Variants in NCKAP5 observed in about 807,000 individuals in gnomAD.
The protein encoded by NCKAP5 is NCK associated protein 5.
In NCKAP5, 92 loss-of-function variants were observed where a neutral mutation model predicts 167.0. That is an observed-to-expected ratio of 0.55 (90% CI 0.47 to 0.66). NCKAP5 has a LOEUF of 0.66. NCKAP5 is among the 30% of genes least tolerant of loss of function. The pLI, the probability that NCKAP5 is intolerant of heterozygous loss-of-function variation, is 0.00. For missense variants in NCKAP5, 2,378 were observed against 2,315.0 expected (o/e 1.03, Z -0.56); for synonymous variants, 891 against 877.4 (o/e 1.02, Z -0.27).
intron 11 of NCKAP5, among the ~76,000 whole-genome samples, chr2:132,836,889 T>TA (rs1687930936): frequency 1.3e-5 from 2 of 152,322 alleles, no homozygotes; most frequent in African/African-American, 4.8e-5. Context: ...TCAAATCCTG[T>TA]ATTAGGCCAA....
At chr2:132,703,129 T>C (rs927393230) in intron 19 of NCKAP5, among the ~76,000 whole-genome samples, 4 of 152,142 alleles carry the variant, frequency 2.6e-5, no homozygotes, top group African/African-American at 7.2e-5. Context: ...TACAGTGAGC[T>C]ATGATCATAC....
At chr2:133,649,535 C>T in the NCKAP5 span, among the ~76,000 whole-genome samples, 1 of 151,950 alleles carries the variant, frequency 6.6e-6, no homozygotes, top group Non-Finnish European at 1.5e-5. Context: ...GATCATAGGC[C>T]ATAACCAAGC....
chr2:133,530,193 A>AT (rs778533301), intron 2 of NCKAP5, among the ~76,000 whole-genome samples: 6 of 152,238 alleles, frequency 3.9e-5, no homozygotes, highest in Non-Finnish European at 5.9e-5. Context: ...CCTCCCACGG[A>AT]TTTGAAATGC....
intron 8 of NCKAP5, among the ~76,000 whole-genome samples, chr2:132,924,194 GA>G (rs1356758190): frequency 6.6e-6 from 1 of 152,032 alleles, no homozygotes; most frequent in East Asian, 1.9e-4. Flanking sequence ...TTCTGCGAGT[GA>G]AAAAAGCCAT....
Position 133,481,617 on chromosome 2 carries a change from T to C in NCKAP5, c.69+35841A>G, listed in dbSNP as rs534682389. Among the ~76,000 whole-genome samples the C allele has an allele frequency of 6.6e-4, 101 of 152,250 alleles. 1 individual carries two copies. Among genetic ancestry groups the C allele is most frequent in the African/African-American group, 2.2e-3 (92 of 41,550 alleles). On this transcript the variant is annotated intron_variant, in intron 3 of 19. Coordinates refer to ENST00000409261, the MANE Select transcript of NCKAP5 (RefSeq NM_207363.3). ...ACCCTCCGATAGGCCCCAGTGTGTG[T>C]TGTTCCCCTCTTTGCGTCCATGTGT...
chr2:133,307,596 T>C (rs1445309466), intron 3 of NCKAP5, among the ~76,000 whole-genome samples: 1 of 152,176 alleles, frequency 6.6e-6, no homozygotes, highest in African/African-American at 2.4e-5. Flanking sequence ...CCACCCCAAA[T>C]GCCCATTGAA....
At chr2:132,702,833 C>A (rs1169348995) in intron 19 of NCKAP5, among the ~76,000 whole-genome samples, 1 of 152,110 alleles carries the variant, frequency 6.6e-6, no homozygotes, top group Non-Finnish European at 1.5e-5. Context: ...CTCTGACTTG[C>A]AGAGTGATTT....
At chr2:132,954,118 A>G (rs1024434500) in intron 8 of NCKAP5, among the ~76,000 whole-genome samples, 1 of 152,226 alleles carries the variant, frequency 6.6e-6, no homozygotes, top group Non-Finnish European at 1.5e-5. Context: ...CCTTCCTTTT[A>G]GTTAAGTCAG....
At chr2:133,324,046 C>T (rs1682256718) in intron 3 of NCKAP5, among the ~76,000 whole-genome samples, 2 of 152,214 alleles carry the variant, frequency 1.3e-5, no homozygotes, top group Non-Finnish European at 2.9e-5. Flanking sequence ...GGTTCAGCTT[C>T]TAAAAATACC....
chr2:133,262,506 T>C (rs763966514), intron 4 of NCKAP5, among the ~76,000 whole-genome samples: 6 of 152,226 alleles, frequency 3.9e-5, no homozygotes, highest in Non-Finnish European at 7.3e-5. Flanking sequence ...GCTATGTTCA[T>C]GTCTGAGATG....
chr2:133,482,927 G>A (rs745722718), intron 3 of NCKAP5, among the ~76,000 whole-genome samples: 2 of 151,910 alleles, frequency 1.3e-5, no homozygotes, highest in Non-Finnish European at 2.9e-5. Flanking sequence ...TCTTTTCCAG[G>A]TGAGAAACTA....
At chr2:133,599,931 C>T in the NCKAP5 span, among the ~76,000 whole-genome samples, 1 of 152,214 alleles carries the variant, frequency 6.6e-6, no homozygotes, top group South Asian at 2.1e-4. Flanking sequence ...AAAGCCAATC[C>T]GTCACACACC....
In NCKAP5 at chr2:132,783,032, G is replaced by T. The variant is rs13016342; in HGVS notation, c.3779C>A (p.Pro1260Gln). The change falls in exon 14 of 20, where the codon CCA (proline) becomes CAA (glutamine). Residue 1260 changes from proline (P) to glutamine (Q), a missense_variant. This residue lies in a region of NCKAP5 where 1,325 missense variants were observed against 1,274.5 expected (regional missense o/e 1.04). Coordinates refer to ENST00000409261, the MANE Select transcript of NCKAP5 (RefSeq NM_207363.3). ...CATACCCAGAGCTGGTTTTAGGTGTGGTTTGCTGGAGGAAAGGGATCTTCT... is the reference window on the plus strand; with the variant it reads ...CATACCCAGAGCTGGTTTTAGGTGTTGTTTGCTGGAGGAAAGGGATCTTCT... Reference protein sequence around the residue: ...SMRRSLSSSKPHLKPALGMNG... With the variant: ...SMRRSLSSSKQHLKPALGMNG... 0.15 allele frequency: 242,397 copies of T among 1,613,626 alleles called. 18,964 individuals are homozygous for T. The highest frequency in any genetic ancestry group is 0.18 in the African/African-American group (13,185 of 74,938).
chr2:132,848,760 C>T (rs1036542500), intron 11 of NCKAP5, among the ~76,000 whole-genome samples: 1 of 152,120 alleles, frequency 6.6e-6, no homozygotes. Flanking sequence ...GAGTTTGAGT[C>T]TGTGGTGTGG....
chr2:132,847,522 T>G (rs1187465942), intron 11 of NCKAP5, among the ~76,000 whole-genome samples: 1 of 152,208 alleles, frequency 6.6e-6, no homozygotes, highest in Non-Finnish European at 1.5e-5. Flanking sequence ...AGAATCCAAC[T>G]AGACAGATAT....
At chr2:133,569,306 A>G (rs1295123321), upstream of NCKAP5, among the ~76,000 whole-genome samples, 1 of 152,052 alleles carries the variant, frequency 6.6e-6, no homozygotes, top group Non-Finnish European at 1.5e-5. Flanking sequence ...ACCTAGAGAA[A>G]TTCCACAGAT....
intron 2 of NCKAP5, among the ~76,000 whole-genome samples, chr2:133,526,234 AAGGAGGGAG>A (rs1243775314): frequency 0.011 from 1,094 of 96,874 alleles, 142 homozygotes; most frequent in African/African-American, 0.035. Context: ...GAAGAAAGGA[AAGGAGGGAG>A]GGAAGGAGGG....
intron 19 of NCKAP5, among the ~76,000 whole-genome samples, chr2:132,713,116 T>TC (rs57830688): frequency 0.67 from 100,746 of 151,214 alleles, 33,733 homozygotes; most frequent in East Asian, 0.85. Flanking sequence ...AATGTGCATT[T>TC]TTTGCTTTGT....
At chr2:132,833,874 T>A (rs774138101) in intron 11 of NCKAP5, among the ~76,000 whole-genome samples, 2 of 152,216 alleles carry the variant, frequency 1.3e-5, no homozygotes, top group Non-Finnish European at 2.9e-5. Context: ...ATGTTAGGAA[T>A]GTTTCTCTAA....
Sources: gnomAD v4.1 joint callset for allele counts (sites outside exome capture counted in the v4.1 genomes callset) on GRCh38, gnomAD v4.1.1 for gene constraint, gnomAD v4.1.1 regional missense constraint, MANE v1.5 for transcripts, NCBI Gene and HGNC (gene_info 2026-07-23, HGNC 2026-07-21) for gene names.